RANBP2: variants seen among roughly 807,000 people sequenced by gnomAD.
RANBP2 encodes the protein RAN binding protein 2.
RANBP2 carries 57 observed loss-of-function variants against 303.6 expected under a neutral mutation model. The observed-to-expected ratio is 0.19, with a 90% CI of 0.15 to 0.23. The LOEUF is 0.23. Ranked by LOEUF, RANBP2 falls within the 10% of genes least tolerant of loss-of-function variation. RANBP2 has a pLI of 1.00. For missense variants in RANBP2, 3,138 were observed against 3,780.8 expected, an observed-to-expected ratio of 0.83 and a Z score of 4.46; for synonymous variants, 1,167 against 1,301.5, an observed-to-expected ratio of 0.90 and a Z score of 2.23.
At position 108,764,850 on chromosome 2, in the gene RANBP2, G is replaced by A. The variant is rs141161962; in HGVS notation, c.4311G>A (p.Ala1437=). The part of the protein sequence containing the change: ...RNEPTVSRCI[A]CQNTKSANKS... ...AACCTACTGTATCTAGGTGCATTGC[G>A]TGTCAGAATACAAAATCTGCTAACA... Residue 1437 remains alanine (A), a synonymous_variant, in exon 20 of 29, where the codon GCG becomes GCA. Transcript: ENST00000283195. The A allele has an allele frequency of 1.7e-5, 28 of 1,613,860 alleles. No homozygotes were observed. The highest frequency in any genetic ancestry group is 1.1e-4 in the South Asian group (10 of 91,076).
At chr2:108,968,691 C>T in the RANBP2 span, among the ~76,000 whole-genome samples, 96 of 152,276 alleles carry the variant, frequency 6.3e-4, no homozygotes, top group African/African-American at 2.2e-3. Context: ...GAATTTGCCC[C>T]CTTTACTCTG....
At chr2:109,321,754 A>G in the RANBP2 span, among the ~76,000 whole-genome samples, 2 of 152,210 alleles carry the variant, frequency 1.3e-5, no homozygotes, top group African/African-American at 2.4e-5. Context: ...GGGAAGATCT[A>G]CTTCCAACTA....
chr2:108,791,608 C>T, the RANBP2 span: 43 of 1,519,762 alleles, frequency 2.8e-5, no homozygotes, highest in African/African-American at 4.8e-4. Context: ...ATTTGAAAAG[C>T]AGTTTTATCT....
At chr2:109,255,181 T>C in the RANBP2 span, among the ~76,000 whole-genome samples, 1 of 152,322 alleles carries the variant, frequency 6.6e-6, no homozygotes. Context: ...TTTGTGTGTG[T>C]GGCATTTCAC....
the RANBP2 span, among the ~76,000 whole-genome samples, chr2:109,274,881 A>G: frequency 6.0e-5 from 9 of 150,164 alleles, no homozygotes; most frequent in Non-Finnish European, 1.5e-5. Flanking sequence ...CCATATAAAA[A>G]TGTTCTAGAT....
chr2:108,983,663 G>C, the RANBP2 span, among the ~76,000 whole-genome samples: 142,104 of 152,246 alleles, frequency 0.93, 66,783 homozygotes, highest in East Asian at 1. Context: ...TAATCGACCT[G>C]CATCTTCCAG....
rs113990282 is a variant in RANBP2, at chr2:108,775,620, T to C, written c.8293-112T>C. ...GGAGAGATAGGGTGAAGTGTGTTTATTCTATCTTCTCCAGAAGCCCAAGTT... is the reference window on the plus strand; with the variant it reads ...GGAGAGATAGGGTGAAGTGTGTTTACTCTATCTTCTCCAGAAGCCCAAGTT... On this transcript the variant is annotated intron_variant, in intron 23 of 28. Transcript: ENST00000283195. The C allele has an allele frequency of 2.1e-5, 23 of 1,085,326 alleles. 1 individual carries two copies. Among genetic ancestry groups the C allele is most frequent in the African/African-American group, 1.9e-4 (12 of 64,028 alleles). 67.2% of individuals were successfully genotyped at this position (1,085,326 alleles called of 1,614,324 possible).
chr2:109,685,952 G>A, the RANBP2 span, among the ~76,000 whole-genome samples: 12 of 152,300 alleles, frequency 7.9e-5, no homozygotes, highest in South Asian at 2.5e-3. Flanking sequence ...AACCACGAGG[G>A]AAGATATATG....
At chr2:108,867,605 C>T in the RANBP2 span, among the ~76,000 whole-genome samples, 2 of 152,018 alleles carry the variant, frequency 1.3e-5, no homozygotes, top group African/African-American at 2.4e-5. Flanking sequence ...CACACCATTC[C>T]TCCTTCCAAA....
At chr2:108,887,515 T>C in the RANBP2 span, among the ~76,000 whole-genome samples, 1 of 152,134 alleles carries the variant, frequency 6.6e-6, no homozygotes, top group Non-Finnish European at 1.5e-5. Flanking sequence ...GCATGGGACC[T>C]TTTTCCATTT....
the RANBP2 span, among the ~76,000 whole-genome samples, chr2:109,069,888 CCT>C: frequency 6.6e-6 from 1 of 152,168 alleles, no homozygotes; most frequent in Non-Finnish European, 1.5e-5. Flanking sequence ...AGTACTCTGT[CCT>C]CATAACGCCT....
the RANBP2 span, among the ~76,000 whole-genome samples, chr2:109,169,581 T>C: frequency 6.6e-6 from 1 of 152,192 alleles, no homozygotes; most frequent in African/African-American, 2.4e-5. Flanking sequence ...AGTTGCTTTA[T>C]GCTGAACAAA....
At chr2:108,958,385 A>G in the RANBP2 span, among the ~76,000 whole-genome samples, 1,047 of 129,528 alleles carry the variant, frequency 8.1e-3, 15 homozygotes, top group African/African-American at 0.037. Flanking sequence ...ATTAATAACC[A>G]TGAAATAGTT....
At chr2:109,295,267 G>A in the RANBP2 span, among the ~76,000 whole-genome samples, 2 of 152,212 alleles carry the variant, frequency 1.3e-5, no homozygotes, top group African/African-American at 4.8e-5. Flanking sequence ...GGCCTGCGGT[G>A]GCTCCAGGAA....
At chr2:109,008,895 T>G in the RANBP2 span, among the ~76,000 whole-genome samples, 1 of 126,966 alleles carries the variant, frequency 7.9e-6, no homozygotes, top group Non-Finnish European at 1.7e-5. Flanking sequence ...CAAGATTCCA[T>G]CTCAAAAAAA....
At chr2:109,375,705 G>A in the RANBP2 span, among the ~76,000 whole-genome samples, 1 of 152,238 alleles carries the variant, frequency 6.6e-6, no homozygotes, top group Non-Finnish European at 1.5e-5. Context: ...TGCCCTCTCT[G>A]TGGCATGAGT....
chr2:109,251,422 A>T, the RANBP2 span: 1 of 707,188 alleles, frequency 1.4e-6, no homozygotes, highest in South Asian at 1.4e-5. Context: ...AGTAGACACC[A>T]TGAGCAAAGC....
chr2:109,079,977 T>C, the RANBP2 span, among the ~76,000 whole-genome samples: 1 of 152,172 alleles, frequency 6.6e-6, no homozygotes, highest in Non-Finnish European at 1.5e-5. Flanking sequence ...GACGCATTTC[T>C]GGGACGACAG....
chr2:109,003,998 G>A, the RANBP2 span, among the ~76,000 whole-genome samples: 1 of 152,178 alleles, frequency 6.6e-6, no homozygotes, highest in South Asian at 2.1e-4. Flanking sequence ...ACATCAAAGA[G>A]GGATGACAGG....
Sources: allele counts gnomAD v4.1 joint callset (sites outside exome capture counted in the v4.1 genomes callset), GRCh38; gene constraint gnomAD v4.1.1; transcripts MANE v1.5; gene names NCBI Gene and HGNC (gene_info 2026-07-23, HGNC 2026-07-21).